The following SNRNP200 variants were observed in gnomAD, a reference collection of about 807,000 sequenced individuals.
SNRNP200 encodes small nuclear ribonucleoprotein U5 subunit 200, also known as U5 small nuclear ribonucleoprotein 200 kDa helicase.
In SNRNP200, 66 loss-of-function variants were observed where a neutral mutation model predicts 255.2. That is an observed-to-expected ratio of 0.26 (90% CI 0.21 to 0.32). The LOEUF (loss-of-function observed/expected upper bound fraction) is 0.32. SNRNP200 is among the 10% of genes least tolerant of loss of function. The pLI is 1.00. For missense variants in SNRNP200, 1,585 were observed against 2,749.8 expected, an observed-to-expected ratio of 0.58 and a Z score of 9.47; for synonymous variants, 939 against 1,027.8, an observed-to-expected ratio of 0.91 and a Z score of 1.65.
chr2:96,298,198 C>A (rs530279762), intron 9 of SNRNP200, 86 bp downstream of exon 9: 32 of 1,591,796 alleles, frequency 2.0e-5, no homozygotes, highest in Non-Finnish European at 2.4e-5. Flanking sequence ...TCAACTTCCA[C>A]TTTTAACATG....
chr2:96,300,742 C>T (rs577142566), intron 5 of SNRNP200, among the ~76,000 whole-genome samples: 31 of 150,804 alleles, frequency 2.1e-4, no homozygotes, highest in African/African-American at 5.4e-4. Context: ...CCAGCCTGGG[C>T]GACAGAGAAG....
chr2:96,278,726 G>T lies in SNRNP200; in HGVS notation c.5324-15C>A. On this transcript the variant is annotated splice_polypyrimidine_tract_variant and intron_variant, in intron 37 of 44. Coordinates refer to ENST00000323853, the MANE Select transcript of SNRNP200 (RefSeq NM_014014.5). This position sits in a 1 kb window ranked among gnomAD's most constrained non-coding sequence, Gnocchi z 6.9. ...ATGGGAGATGCCTATGGAGGCGAGA[G>T]GTGAGTGGGGAGCCTCAAGAAGATG... The T allele has an allele frequency of 6.2e-7, 1 of 1,614,228 alleles. No homozygotes were observed. The highest frequency in any genetic ancestry group is 8.5e-7 in the Non-Finnish European group (1 of 1,180,048).
At chr2:96,284,043 GGCTCCCATCCTC>G (rs2063825758) in intron 31 of SNRNP200, 39 bp from the exon 32 acceptor site, 1 of 1,543,508 alleles carries the variant, frequency 6.5e-7, no homozygotes, top group Admixed American at 1.9e-5. Context: ...TGCAGGCCAA[GGCTCCCATCCTC>G]TGCCTGGAGG....
Position 96,274,903 on chromosome 2 carries a change from G to A in SNRNP200, c.*109C>T. On this transcript the variant is annotated 3_prime_UTR_variant, in exon 45 of 45. Transcript: ENST00000323853. Reference sequence around the variant, plus strand: ...GCGGGGACAGCACCAGCCCTGGCTGGCCAGACCTGAGGCCCACAGACCTGG... The same window carrying A: ...GCGGGGACAGCACCAGCCCTGGCTGACCAGACCTGAGGCCCACAGACCTGG... 1.5e-6 allele frequency: 2 copies of A among 1,317,220 alleles called. No individual in the cohort carries two copies. The highest frequency in any genetic ancestry group is 2.2e-6 in the Non-Finnish European group (2 of 918,178). 81.6% of individuals were successfully genotyped at this position (1,317,220 alleles called of 1,614,324 possible).
At position 96,277,101 on chromosome 2, in the gene SNRNP200, T is replaced by A; in HGVS notation, c.6072A>T (p.Val2024=). ...YPNIELSYEV[V]DKDSIRSGGP... is the part of the protein sequence containing the mutation. ...CTCACCTGCGGATGCTGTCCTTATC[T>A]ACCACCTCATAAGATAGTTCGATAT... The change falls in exon 42 of 45, where the codon GTA becomes GTT. Residue 2024 remains valine, a synonymous_variant. Coordinates refer to ENST00000323853, the MANE Select transcript of SNRNP200 (RefSeq NM_014014.5). The surrounding 1 kb of genome is among the most constrained non-coding windows in gnomAD (Gnocchi z 4.4). 6.2e-7 allele frequency: 1 copy of A among 1,614,210 alleles called. No individual in the cohort carries two copies. Among genetic ancestry groups the A allele is most frequent in the South Asian group, 1.1e-5 (1 of 91,088 alleles).
rs1451366688 is a variant in SNRNP200 at position 96,277,751 on chromosome 2, T to A, written c.5755-36A>T. 1.2e-5 allele frequency: 20 copies of A among 1,613,980 alleles called. No homozygotes were observed. The highest frequency in any genetic ancestry group is 1.7e-5 in the Non-Finnish European group (20 of 1,180,020). ...AAAGGAGTATAAAAGTGGGCGGAGT[T>A]GGAGCTGAGATGTTTAGAGCACCAC... is the stretch of plus-strand genomic sequence containing the variant. On this transcript the variant is annotated intron_variant, in intron 40 of 44. Transcript: ENST00000323853. The surrounding 1 kb of genome is among the most constrained non-coding windows in gnomAD (Gnocchi z 4.4).
At position 96,279,487 on chromosome 2, in the gene SNRNP200, C is replaced by G. The variant is rs770986426; in HGVS notation, c.5097G>C (p.Glu1699Asp). The G allele has an allele frequency of 6.2e-7, 1 of 1,614,088 alleles. No individual in the cohort carries two copies. The highest frequency in any genetic ancestry group is 8.5e-7 in the Non-Finnish European group (1 of 1,179,930). Reference protein sequence around the residue: ...GHANRPLQDDEGRCVIMCQGS... With the variant: ...GHANRPLQDDDGRCVIMCQGS... ...CCTGACACATGATGACACAGCGCCCCTCATCGTCCTGCAAAGGGCGGTTGG... is the reference window on the plus strand; with the variant it reads ...CCTGACACATGATGACACAGCGCCCGTCATCGTCCTGCAAAGGGCGGTTGG... Residue 1699 changes from glutamate to aspartate, a missense_variant, in exon 36 of 45, where the codon GAG (glutamate) becomes GAC (aspartate). Physicochemically the swap from Glu to Asp is conservative, Grantham distance 45. This residue lies in a region of SNRNP200 where 719 missense variants were observed against 1,091.1 expected (regional missense o/e 0.66). Transcript: ENST00000323853.
At chr2:96,299,835 A>G (rs1162064103) in intron 5 of SNRNP200, among the ~76,000 whole-genome samples, 1 of 152,234 alleles carries the variant, frequency 6.6e-6, no homozygotes, top group Non-Finnish European at 1.5e-5. Flanking sequence ...TACACTGCAC[A>G]TTAGGCGTAC....
At chr2:96,300,098 G>A (rs2063943238) in intron 5 of SNRNP200, among the ~76,000 whole-genome samples, 1 of 152,106 alleles carries the variant, frequency 6.6e-6, no homozygotes, top group Non-Finnish European at 1.5e-5. Context: ...CTCTCCCCGT[G>A]CGACCCCTTC....
chr2:96,289,785 C>T lies in SNRNP200; in HGVS notation c.2940+14G>A. The T allele has an allele frequency of 6.2e-7, 1 of 1,613,612 alleles. No individual in the cohort carries two copies. Among genetic ancestry groups the T allele is most frequent in the South Asian group, 1.1e-5 (1 of 91,052 alleles). On this transcript the variant is annotated intron_variant, in intron 21 of 44. Transcript: ENST00000323853. ...TTGCTGAGACCTTTGCCTCAAAACCCTCACCCCACGCACCTGGAAGTTGCC... is the reference window on the plus strand; with the variant it reads ...TTGCTGAGACCTTTGCCTCAAAACCTTCACCCCACGCACCTGGAAGTTGCC...
chr2:96,279,001 G>A lies in SNRNP200; in HGVS notation c.5134-3C>T. The A allele has an allele frequency of 6.2e-7, 1 of 1,613,016 alleles. No homozygotes were observed. The highest frequency in any genetic ancestry group is 8.5e-7 in the Non-Finnish European group (1 of 1,178,952). On this transcript the variant is annotated splice_polypyrimidine_tract_variant and splice_region_variant and intron_variant, in intron 36 of 44. Coordinates refer to ENST00000323853, the MANE Select transcript of SNRNP200 (RefSeq NM_014014.5). ...TATAAGAACTTCTTGAAGAAATCCTGTGGGTTGGAGAGGGAGAAGGAGTAA... is the reference window on the plus strand; with the variant it reads ...TATAAGAACTTCTTGAAGAAATCCTATGGGTTGGAGAGGGAGAAGGAGTAA...
At chr2:96,288,177 A>G (rs1276283013) in intron 24 of SNRNP200, among the ~76,000 whole-genome samples, 3 of 152,234 alleles carry the variant, frequency 2.0e-5, no homozygotes, top group Non-Finnish European at 4.4e-5. Context: ...GCTGCGGCTC[A>G]AGGTCACTGC....
chr2:96,291,936 TACTC>T lies in SNRNP200; in HGVS notation c.2161-40_2161-37del, dbSNP rs1558768679. The T allele has an allele frequency of 4.3e-6, 7 of 1,611,020 alleles. No homozygotes were observed. The South Asian group carries it at 6.6e-5, about 15-fold the overall frequency. Reference sequence around the variant, plus strand: ...GCCACAGTTTGCTACAGTCACGAGATACTCACAGCCCCAGGGCACCTGCAGCAGG... The same window carrying T: ...GCCACAGTTTGCTACAGTCACGAGATACAGCCCCAGGGCACCTGCAGCAGG... On this transcript the variant is annotated intron_variant, in intron 16 of 44. Transcript: ENST00000323853. The surrounding 1 kb of genome is among the most constrained non-coding windows in gnomAD (Gnocchi z 4.2).
At chr2:96,279,164 G>A in intron 36 of SNRNP200, 166 bp from the exon 37 acceptor site, 1 of 684,666 alleles carries the variant, frequency 1.5e-6, no homozygotes, top group East Asian at 2.7e-5. Context: ...AATACGCAGT[G>A]GGAACAGAGG....
Position 96,291,666 on chromosome 2 carries a change from G to C in SNRNP200, c.2310+85C>G. ...ACCCATGGGAAACAACAATACCACA[G>C]TACAGTCCTAGAGGAGCTGTCTGGG... On this transcript the variant is annotated intron_variant, in intron 17 of 44. Coordinates refer to ENST00000323853, the MANE Select transcript of SNRNP200 (RefSeq NM_014014.5). The surrounding 1 kb of genome is among the most constrained non-coding windows in gnomAD (Gnocchi z 4.2). 1 of 1,476,408 alleles carries C rather than the reference G, an allele frequency of 6.8e-7. No individual in the cohort carries two copies. Among genetic ancestry groups the C allele is most frequent in the Non-Finnish European group, 9.5e-7 (1 of 1,058,028 alleles). 91.5% of individuals were successfully genotyped at this position (1,476,408 alleles called of 1,614,324 possible). A position where few individuals can be genotyped will look rare whatever the true frequency, so the allele number is the denominator to read the frequency against.
At chr2:96,288,905 G>T in intron 23 of SNRNP200, 132 bp downstream of exon 23, 1 of 1,051,278 alleles carries the variant, frequency 9.5e-7, no homozygotes, top group South Asian at 1.4e-5. Flanking sequence ...AAGAACATGC[G>T]AGAAGGCTGC....
intron 43 of SNRNP200, among the ~76,000 whole-genome samples, chr2:96,275,703 C>T (rs1349885891): frequency 6.6e-6 from 1 of 152,096 alleles, no homozygotes; most frequent in African/African-American, 2.4e-5. Flanking sequence ...GCAAATCTGC[C>T]AGATGAGAAA....
chr2:96,299,270 A>G (rs2063938126), intron 6 of SNRNP200, 59 bp downstream of exon 6: 2 of 1,469,330 alleles, frequency 1.4e-6, no homozygotes, highest in African/African-American at 2.8e-5. Context: ...GGCATGGGGA[A>G]GAAGCACTAA....
chr2:96,299,856 G>A (rs2063941769), intron 5 of SNRNP200, among the ~76,000 whole-genome samples: 1 of 152,212 alleles, frequency 6.6e-6, no homozygotes, highest in South Asian at 2.1e-4. Flanking sequence ...CTGGCATAGT[G>A]TCACAGTCAA....
Sources: gnomAD v4.1 joint callset for allele counts (sites outside exome capture counted in the v4.1 genomes callset) on GRCh38, gnomAD v4.1.1 for gene constraint, gnomAD v4.1.1 regional missense constraint, Gnocchi (gnomAD v3.1) non-coding constraint, MANE v1.5 for transcripts, NCBI Gene and HGNC (gene_info 2026-07-23, HGNC 2026-07-21) for gene names.